Variants in CFAP46 observed in about 807,000 individuals in gnomAD.
CFAP46 encodes the protein cilia- and flagella-associated protein 46.
Under a neutral mutation model 325.7 loss-of-function variants are expected in CFAP46, and 245 were observed. The ratio of observed to expected loss-of-function variants is 0.75; its 90% CI spans 0.68 to 0.84. The LOEUF is 0.84. CFAP46 is among the 40% of genes least tolerant of loss of function. The pLI, the probability that CFAP46 is intolerant of heterozygous loss-of-function variation, is 0.00. For missense variants in CFAP46, 3,346 were observed against 3,543.0 expected (o/e 0.94, Z 1.41); for synonymous variants, 1,523 against 1,495.9 (o/e 1.02, Z -0.42).
rs1338484869 is a variant in CFAP46, at chr10:132,817,657, C to A, written c.7118-2743G>T. Among the ~76,000 whole-genome samples, 1 of 152,194 alleles carries A rather than the reference C, an allele frequency of 6.6e-6. No homozygotes were observed. Among genetic ancestry groups the A allele is most frequent in the Non-Finnish European group, 1.5e-5 (1 of 68,046 alleles). On this transcript the variant is annotated intron_variant, in intron 50 of 57. Transcript: ENST00000368586. The surrounding 1 kb of genome is among the most constrained non-coding windows in gnomAD (Gnocchi z 4.4). ...TTTACGGCAGTGCGGCCACACCTGGCGGCGCCCCAGACTCAGCGGTTGGCG... is the reference window on the plus strand; with the variant it reads ...TTTACGGCAGTGCGGCCACACCTGGAGGCGCCCCAGACTCAGCGGTTGGCG...
At position 132,814,259 on chromosome 10, in the gene CFAP46, AAGG is replaced by A. The variant is rs750603977; in HGVS notation, c.7286-8_7286-6del. On this transcript the variant is annotated splice_region_variant and splice_polypyrimidine_tract_variant and intron_variant, in intron 53 of 57. Transcript: ENST00000368586. ...TGGAGACAGGAGTTAGCATTTCTGC[AAGG>A]AGAACAGGGTGGATACAGACCACGG... 2 of 1,608,390 alleles carry A rather than the reference AAGG, an allele frequency of 1.2e-6. No homozygotes were observed. The highest frequency in any genetic ancestry group is 1.1e-5 in the South Asian group (1 of 90,840).
intron 25 of CFAP46, among the ~76,000 whole-genome samples, chr10:132,888,312 GCCA>G (rs145349340): frequency 0.018 from 2,203 of 124,194 alleles, 201 homozygotes; most frequent in African/African-American, 0.077. Flanking sequence ...CTGTACCCCT[GCCA>G]CCTTCACCCC....
intron 39 of CFAP46, among the ~76,000 whole-genome samples, 158 bp downstream of exon 39, chr10:132,857,432 G>A (rs1848657755): frequency 6.6e-6 from 1 of 152,248 alleles, no homozygotes; most frequent in Non-Finnish European, 1.5e-5. Flanking sequence ...TTCATACACT[G>A]TTTGTTTTTT....
At position 132,908,545 on chromosome 10, in the gene CFAP46, C is replaced by G. The variant is rs753637047; in HGVS notation, c.2847G>C (p.Ala949=). The part of the protein sequence containing the change: ...LTRLTHFAHA[A]RDHETTMACA... The stretch of plus-strand genomic sequence containing the variant: ...AGGCCATGGTGGTCTCATGGTCACG[C>G]GCTGCATGGGCGAAGTGGGTCAGCC... Residue 949 remains alanine, a synonymous_variant, in exon 22 of 58, where the codon GCG becomes GCC. Transcript: ENST00000368586. 121 of 1,550,414 alleles carry G rather than the reference C, an allele frequency of 7.8e-5. No homozygotes were observed. The highest frequency in any genetic ancestry group is 3.3e-4 in the Middle Eastern group (2 of 6,014).
In CFAP46 at chr10:132,922,617, G is replaced by A. The variant is rs146056833; in HGVS notation, c.1348C>T (p.Arg450Trp). 324 of 1,549,698 alleles carry A rather than the reference G, an allele frequency of 2.1e-4. No individual in the cohort carries two copies. In the African/African-American group the frequency reaches 2.9e-3, roughly 14 times the overall value. ...DRLEPATEHL[R>W]KAARLDSLGL... ...AGGCTGTCCAGGCGCGCGGCTTTCCGGAGGTGCTCCGTGGCGGGCTCCAGC... is the reference window on the plus strand; with the variant it reads ...AGGCTGTCCAGGCGCGCGGCTTTCCAGAGGTGCTCCGTGGCGGGCTCCAGC... Residue 450 changes from arginine to tryptophan, a missense_variant, in exon 12 of 58, where the codon CGG becomes TGG. By Grantham distance (101) the Arg-to-Trp change is moderately radical. Coordinates refer to ENST00000368586, the MANE Select transcript of CFAP46 (RefSeq NM_001200049.3).
In CFAP46 at chr10:132,919,618, G is replaced by A. The variant is rs546187608; in HGVS notation, c.1731-176C>T. On this transcript the variant is annotated intron_variant, in intron 14 of 57. Coordinates refer to ENST00000368586, the MANE Select transcript of CFAP46 (RefSeq NM_001200049.3). This position sits in a 1 kb window ranked among gnomAD's most constrained non-coding sequence, Gnocchi z 9.7. ...CCTGGCGGGTGCATGTCCCAGGGTC[G>A]GGCGCAGCTCTCCGCTCTCCCTGCC... 7.2e-5 allele frequency among the ~76,000 whole-genome samples: 11 copies of A among 152,176 alleles called. No individual in the cohort carries two copies. In the East Asian group the frequency reaches 1.9e-3, roughly 27 times the overall value.
chr10:132,820,713 CGCTGA>C (rs1847783275), intron 50 of CFAP46, among the ~76,000 whole-genome samples: 2 of 42,242 alleles, frequency 4.7e-5, no homozygotes, highest in Non-Finnish European at 5.4e-5. Flanking sequence ...GCTGTGTGTG[CGCTGA>C]TGTGTGCTGT....
chr10:132,813,085 C>T (rs1335422816), intron 54 of CFAP46, among the ~76,000 whole-genome samples, 188 bp from the exon 55 acceptor site: 2 of 152,140 alleles, frequency 1.3e-5, no homozygotes, highest in East Asian at 1.9e-4. Context: ...GGGGTCACGG[C>T]GGAGCCTAGT....
intron 44 of CFAP46, among the ~76,000 whole-genome samples, chr10:132,840,122 A>G (rs1848325617): frequency 6.6e-6 from 1 of 152,232 alleles, no homozygotes; most frequent in African/African-American, 2.4e-5. Context: ...CAACATTTTA[A>G]ATAAGAGATT....
intron 50 of CFAP46, among the ~76,000 whole-genome samples, chr10:132,818,116 G>A (rs1345071845): frequency 6.6e-6 from 1 of 152,186 alleles, no homozygotes; most frequent in African/African-American, 2.4e-5. Flanking sequence ...GGCGGCCCGT[G>A]TCCTGCCAAC....
In CFAP46 at chr10:132,885,138, G is replaced by A; in HGVS notation, c.3592C>T (p.Leu1198=). ...TGGATGGCGTTGTTGTAGCAGGCCA[G>A]CTCTCCAGACACGCTCGGCGAGTTC... ...ALNSPSVSGE[L]ACYNNAIQAL... The change falls in exon 27 of 58, where the codon CTG becomes TTG. Residue 1198 remains leucine, a synonymous_variant. Coordinates refer to ENST00000368586, the MANE Select transcript of CFAP46 (RefSeq NM_001200049.3). The A allele has an allele frequency of 6.5e-7, 1 of 1,549,812 alleles. No homozygotes were observed. Among genetic ancestry groups the A allele is most frequent in the Non-Finnish European group, 8.7e-7 (1 of 1,146,614 alleles).
At chr10:132,837,396 C>T (rs536483555) in intron 44 of CFAP46, among the ~76,000 whole-genome samples, 1 of 151,794 alleles carries the variant, frequency 6.6e-6, no homozygotes, top group African/African-American at 2.4e-5. Flanking sequence ...TGCACGTGTA[C>T]ATGGACCCAG....
chr10:132,851,282 C>G lies in CFAP46; in HGVS notation c.5598G>C (p.Leu1866=). Residue 1866 remains leucine (L), a synonymous_variant, in exon 40 of 58, where the codon CTG becomes CTC. Transcript: ENST00000368586. The stretch of plus-strand genomic sequence containing the variant: ...GCTTGAGGCGCGCCAGCTTCCTCAT[C>G]AGGGGCGTGTTGACGTTCTGCAACT... ...LQDLQNVNTP[L]MRKLARLKLG... 1.2e-6 allele frequency: 2 copies of G among 1,613,942 alleles called. No individual in the cohort carries two copies. The highest frequency in any genetic ancestry group is 1.7e-6 in the Non-Finnish European group (2 of 1,180,010).
In CFAP46 at chr10:132,866,324, G is replaced by A. The variant is rs376991516; in HGVS notation, c.4744-153C>T. On this transcript the variant is annotated intron_variant, in intron 34 of 57. Coordinates refer to ENST00000368586, the MANE Select transcript of CFAP46 (RefSeq NM_001200049.3). ...CTGGCCTAGGCACCATGGGCGCCTC[G>A]CAAGCTCCCCGTGTGCCCCAAGGCC... 6.6e-5 allele frequency among the ~76,000 whole-genome samples: 10 copies of A among 152,278 alleles called. No individual in the cohort carries two copies. The East Asian group carries it at 1.5e-3, about 24-fold the overall frequency.
intron 4 of CFAP46, 143 bp downstream of exon 4, chr10:132,940,853 G>A (rs1850087178): frequency 1.3e-6 from 1 of 766,520 alleles, no homozygotes; most frequent in African/African-American, 1.7e-5. Flanking sequence ...GACGAGATGA[G>A]GGAGTGATCA....
intron 54 of CFAP46, among the ~76,000 whole-genome samples, 186 bp from the exon 55 acceptor site, chr10:132,813,083 G>A (rs1847614670): frequency 1.3e-5 from 2 of 152,144 alleles, no homozygotes; most frequent in Non-Finnish European, 2.9e-5. Flanking sequence ...CAGGGGTCAC[G>A]GCGGAGCCTA....
In CFAP46 at chr10:132,885,444, CG is replaced by C. The variant is rs374360343; in HGVS notation, c.3444-159del. 1.8e-3 allele frequency among the ~76,000 whole-genome samples: 269 copies of C among 146,910 alleles called. 2 individuals carry two copies. In the East Asian group the frequency reaches 0.019, roughly 10 times the overall value. ...GGGTCTCGGGGCTACGCGGGGGTCT[CG>C]GGGGTGAGCGGGGGCCTCGGGGCTA... On this transcript the variant is annotated intron_variant, in intron 26 of 57. Transcript: ENST00000368586.
intron 13 of CFAP46, among the ~76,000 whole-genome samples, chr10:132,920,934 CTG>C (rs1849713663): frequency 6.6e-6 from 1 of 152,266 alleles, no homozygotes; most frequent in Non-Finnish European, 1.5e-5. Context: ...ACAGGTGAGT[CTG>C]GGTCCTACTG....
intron 25 of CFAP46, 77 bp downstream of exon 25, chr10:132,892,256 A>G: frequency 7.4e-7 from 1 of 1,359,038 alleles, no homozygotes; most frequent in South Asian, 1.3e-5. Context: ...ATTTAAAAGC[A>G]CCACGTTTAA....
Sources: gnomAD v4.1 joint callset for allele counts (sites outside exome capture counted in the v4.1 genomes callset) on GRCh38, gnomAD v4.1.1 for gene constraint, Gnocchi (gnomAD v3.1) non-coding constraint, MANE v1.5 for transcripts, NCBI Gene and HGNC (gene_info 2026-07-23, HGNC 2026-07-21) for gene names.